The following RBFOX1 variants were observed in gnomAD, a reference collection of about 807,000 sequenced individuals.
The protein encoded by RBFOX1 is RNA binding protein fox-1 homolog 1.
RBFOX1 carries 8 observed loss-of-function variants against 57.7 expected under a neutral mutation model. The ratio of observed to expected loss-of-function variants is 0.14; its 90% CI spans 0.08 to 0.25. The LOEUF is 0.25. Ranked by LOEUF, RBFOX1 falls within the 10% of genes least tolerant of loss-of-function variation. The probability of loss-of-function intolerance (pLI) is 1.00; values close to 1 mark genes in which losing one functional copy is unlikely to be tolerated. For synonymous variants in RBFOX1, 326 were observed against 222.4 expected (o/e 1.47, Z -4.15); for missense variants, 611 against 548.5 (o/e 1.11, Z -1.14).
At chr16:6,170,617 A>G (rs1393785915) in intron 1 of RBFOX1, among the ~76,000 whole-genome samples, 1 of 152,208 alleles carries the variant, frequency 6.6e-6, no homozygotes. Context: ...TTTTAGGCTC[A>G]GGGGTGCATA....
intron 3 of RBFOX1, among the ~76,000 whole-genome samples, chr16:6,681,759 C>T (rs891836682): frequency 5.9e-5 from 9 of 151,744 alleles, no homozygotes; most frequent in African/African-American, 1.9e-4. Context: ...TAGACATAAC[C>T]ACTCTCTGTA....
intron 1 of RBFOX1, among the ~76,000 whole-genome samples, chr16:5,426,541 A>C (rs1009865242): frequency 6.6e-6 from 1 of 152,160 alleles, no homozygotes; most frequent in Non-Finnish European, 1.5e-5. Flanking sequence ...GATGCCACAG[A>C]CTGTGCAAAA....
chr16:5,757,273 C>T (rs1373866200), intron 3 of RBFOX1, among the ~76,000 whole-genome samples: 6 of 143,700 alleles, frequency 4.2e-5, no homozygotes, highest in Admixed American at 7.3e-5. Flanking sequence ...CACTCTGTTG[C>T]CAGGCTGGAG....
intron 4 of RBFOX1, among the ~76,000 whole-genome samples, chr16:5,879,993 A>G (rs1459824875): frequency 6.6e-6 from 1 of 152,202 alleles, no homozygotes; most frequent in Non-Finnish European, 1.5e-5. Context: ...GAAGGTGAGG[A>G]GCACATGGAT....
chr16:6,690,972 G>A (rs541606284), intron 3 of RBFOX1, among the ~76,000 whole-genome samples: 4 of 152,136 alleles, frequency 2.6e-5, no homozygotes, highest in Admixed American at 6.5e-5. Flanking sequence ...ATCAGGAAGC[G>A]AACTGTTTTC....
rs887359244 is a variant in RBFOX1 at position 5,444,512 on chromosome 16, G to A, written c.220-22704G>A. ...TGTGCTAGGCAGACGTCAGCTCTGC[G>A]GAACTGGCCATTAATGAAGATTGCG... On this transcript the variant is annotated intron_variant, in intron 1 of 2. Coordinates refer to the RBFOX1 transcript ENST00000585867. 3.3e-5 allele frequency among the ~76,000 whole-genome samples: 5 copies of A among 152,276 alleles called. No homozygotes were observed. In the South Asian group the frequency reaches 6.2e-4, roughly 19 times the overall value.
At chr16:6,691,187 GT>G (rs1198172575) in intron 3 of RBFOX1, among the ~76,000 whole-genome samples, 2 of 152,148 alleles carry the variant, frequency 1.3e-5, no homozygotes, top group Non-Finnish European at 2.9e-5. Context: ...GCTATTAGCT[GT>G]GGGGGAGCTA....
chr16:7,414,067 G>A (rs927580093), intron 4 of RBFOX1, among the ~76,000 whole-genome samples: 2 of 152,156 alleles, frequency 1.3e-5, no homozygotes, highest in Non-Finnish European at 2.9e-5. Flanking sequence ...TCAAATTTGG[G>A]AGTGAGATAA....
Position 5,902,355 on chromosome 16 carries a change from A to G in RBFOX1, c.351+35020A>G, listed in dbSNP as rs116305276. 2.0e-3 allele frequency among the ~76,000 whole-genome samples: 309 copies of G among 152,338 alleles called. 2 individuals carry two copies. The highest frequency in any genetic ancestry group is 6.9e-3 in the African/African-American group (288 of 41,572). On this transcript the variant is annotated intron_variant, in intron 4 of 19. Coordinates refer to the RBFOX1 transcript ENST00000641259. ...TGAGTCTCATCCTCTGTTTTCCCAC[A>G]GAGAAATGCTCTGCTGCCTTTCTTT...
chr16:5,478,839 G>A (rs1286293743), intron 2 of RBFOX1, among the ~76,000 whole-genome samples: 1 of 152,104 alleles, frequency 6.6e-6, no homozygotes, highest in Non-Finnish European at 1.5e-5. Flanking sequence ...TCCCTCCCAT[G>A]GGCTGCTATA....
At chr16:6,957,211 A>G (rs1282658536) in intron 3 of RBFOX1, among the ~76,000 whole-genome samples, 1 of 149,612 alleles carries the variant, frequency 6.7e-6, no homozygotes, top group African/African-American at 2.5e-5. Flanking sequence ...GGCTCACTGC[A>G]AGCTCCGCCT....
At chr16:6,316,013 T>C (rs2081073082) in intron 1 of RBFOX1, among the ~76,000 whole-genome samples, 1 of 152,236 alleles carries the variant, frequency 6.6e-6, no homozygotes, top group Admixed American at 6.5e-5. Flanking sequence ...ATGTTTAAAA[T>C]TTACCTCTAA....
In RBFOX1 at chr16:7,324,880, C is replaced by T. The variant is rs148362164; in HGVS notation, c.28-193267C>T. ...GTACCATCTTCATCATCCCTAAAAACCATAAATTGAACTTGATATCCTTTT... is the reference window on the plus strand; with the variant it reads ...GTACCATCTTCATCATCCCTAAAAATCATAAATTGAACTTGATATCCTTTT... On this transcript the variant is annotated intron_variant, in intron 4 of 15. Coordinates refer to ENST00000550418, the MANE Select transcript of RBFOX1 (RefSeq NM_018723.4). 1.9e-3 allele frequency among the ~76,000 whole-genome samples: 295 copies of T among 152,312 alleles called. 1 individual carries two copies. The highest frequency in any genetic ancestry group is 6.4e-3 in the African/African-American group (266 of 41,582).
At chr16:7,654,390 T>C (rs1248253732) in intron 12 of RBFOX1, among the ~76,000 whole-genome samples, 1 of 152,174 alleles carries the variant, frequency 6.6e-6, no homozygotes, top group Non-Finnish European at 1.5e-5. Context: ...ATATCTTGGC[T>C]TCAAGGGTCA....
chr16:7,194,789 G>A (rs566698353), intron 4 of RBFOX1, among the ~76,000 whole-genome samples: 22 of 152,088 alleles, frequency 1.4e-4, no homozygotes, highest in African/African-American at 5.1e-4. Context: ...TTAGCTGGAC[G>A]TGGTGGTGCA....
Position 5,827,871 on chromosome 16 carries a change from GTCCATCCATCCATCCATCCA to G in RBFOX1, c.319-39403_319-39384del, listed in dbSNP as rs58720656. ...CACCCACCCACTCATCCAGGCTTTT[GTCCATCCATCCATCCATCCA>G]TCCATCCATCCATCCATCCATCCAT... On this transcript the variant is annotated intron_variant, in intron 3 of 19. Coordinates refer to the RBFOX1 transcript ENST00000641259. Among the ~76,000 whole-genome samples, 198 of 128,336 alleles carry G rather than the reference GTCCATCCATCCATCCATCCA, an allele frequency of 1.5e-3. 1 individual carries two copies. Among genetic ancestry groups the G allele is most frequent in the African/African-American group, 4.7e-3 (134 of 28,450 alleles). 84.2% of individuals were successfully genotyped at this position (128,336 alleles called of 152,430 possible).
intron 3 of RBFOX1, among the ~76,000 whole-genome samples, chr16:6,955,100 G>C (rs1274014747): frequency 6.6e-6 from 1 of 151,426 alleles, no homozygotes. Flanking sequence ...AATTAGCTGG[G>C]CATGGTGGAT....
At chr16:5,636,357 TAAATA>T (rs2048686328) in intron 3 of RBFOX1, among the ~76,000 whole-genome samples, 1 of 152,060 alleles carries the variant, frequency 6.6e-6, no homozygotes, top group South Asian at 2.1e-4. Context: ...TCAAAAAAAT[TAAATA>T]AATAAAAATT....
chr16:7,181,169 G>GT (rs1268172280), intron 4 of RBFOX1, among the ~76,000 whole-genome samples: 1 of 152,138 alleles, frequency 6.6e-6, no homozygotes, highest in Admixed American at 6.5e-5. Context: ...CGGCCTTGTG[G>GT]TTCAAAGACT....
Sources: gnomAD v4.1 joint callset for allele counts (sites outside exome capture counted in the v4.1 genomes callset) on GRCh38, gnomAD v4.1.1 for gene constraint, MANE v1.5 for transcripts, NCBI Gene and HGNC (gene_info 2026-07-23, HGNC 2026-07-21) for gene names.